Variants in DCC observed in about 807,000 individuals in gnomAD.
DCC encodes DCC netrin 1 receptor.
Under a neutral mutation model 172.5 loss-of-function variants are expected in DCC, and 58 were observed. That is an observed-to-expected ratio of 0.34 (90% confidence interval 0.27 to 0.42). DCC has a LOEUF of 0.42. DCC is among the 10% of genes least tolerant of loss of function. The pLI is 1.00. For synonymous variants in DCC, 709 were observed against 644.5 expected, an observed-to-expected ratio of 1.10 and a Z score of -1.52; for missense variants, 1,740 against 1,791.0, an observed-to-expected ratio of 0.97 and a Z score of 0.51.
At chr18:53,226,946 ATAT>A (rs1439650791) in intron 12 of DCC, among the ~76,000 whole-genome samples, 2 of 53,740 alleles carry the variant, frequency 3.7e-5, no homozygotes, top group East Asian at 2.4e-4. Context: ...ATATATATAT[ATAT>A]TTTTTTTTTT....
intron 1 of DCC, among the ~76,000 whole-genome samples, chr18:52,643,532 T>C (rs1388318581): frequency 6.6e-6 from 1 of 152,200 alleles, no homozygotes; most frequent in Non-Finnish European, 1.5e-5. Context: ...TTTTCTAAAA[T>C]CCTACTCATC....
intron 1 of DCC, among the ~76,000 whole-genome samples, chr18:52,494,502 T>C (rs2030664573): frequency 6.6e-6 from 1 of 152,166 alleles, no homozygotes; most frequent in African/African-American, 2.4e-5. Context: ...ACATCTTTTA[T>C]GTACTTTCCG....
At chr18:52,377,222 T>G in intron 1 of DCC, among the ~76,000 whole-genome samples, 1 of 152,186 alleles carries the variant, frequency 6.6e-6, no homozygotes, top group Non-Finnish European at 1.5e-5. Context: ...CTGTTAAGAT[T>G]ATGATTTTTC....
chr18:53,444,827 C>T (rs891906936), intron 22 of DCC, among the ~76,000 whole-genome samples: 4 of 152,100 alleles, frequency 2.6e-5, no homozygotes, highest in Non-Finnish European at 5.9e-5. Flanking sequence ...CTGCAGTATG[C>T]CTATATTTAT....
intron 1 of DCC, among the ~76,000 whole-genome samples, chr18:52,442,046 A>C (rs1221820830): frequency 2.0e-5 from 3 of 152,154 alleles, no homozygotes; most frequent in Non-Finnish European, 4.4e-5. Flanking sequence ...AATGAGCATT[A>C]TTAGAGCTTG....
intron 7 of DCC, among the ~76,000 whole-genome samples, chr18:53,073,450 T>TG (rs1284789560): frequency 2.0e-5 from 3 of 152,062 alleles, no homozygotes; most frequent in South Asian, 4.1e-4. Context: ...GTATGAAACC[T>TG]GGGGGGCGGA....
chr18:53,504,360 C>T (rs1405673759), intron 27 of DCC, among the ~76,000 whole-genome samples: 1 of 152,112 alleles, frequency 6.6e-6, no homozygotes, highest in Non-Finnish European at 1.5e-5. Flanking sequence ...ACAAGACGGT[C>T]ATTTTAAAGG....
intron 1 of DCC, among the ~76,000 whole-genome samples, chr18:52,414,081 C>CTATT (rs560583109): frequency 6.6e-6 from 1 of 151,962 alleles, no homozygotes; most frequent in East Asian, 1.9e-4. Context: ...GTTGAAATGA[C>CTATT]TATTTATTTA....
intron 1 of DCC, among the ~76,000 whole-genome samples, chr18:52,707,859 G>T (rs2036234439): frequency 6.6e-6 from 1 of 152,284 alleles, no homozygotes; most frequent in Non-Finnish European, 1.5e-5. Flanking sequence ...CCCTGGGATA[G>T]GTGGGTGGAT....
intron 2 of DCC, among the ~76,000 whole-genome samples, chr18:52,835,186 G>T (rs114837844): frequency 1.3e-5 from 2 of 152,180 alleles, no homozygotes; most frequent in African/African-American, 4.8e-5. Context: ...ACAATGCCAC[G>T]TATGGCCATG....
At chr18:53,443,471 A>G (rs765159201) in intron 22 of DCC, among the ~76,000 whole-genome samples, 2 of 152,186 alleles carry the variant, frequency 1.3e-5, no homozygotes, top group Non-Finnish European at 2.9e-5. Flanking sequence ...CACATTGACA[A>G]TGCTCGTAGT....
intron 27 of DCC, among the ~76,000 whole-genome samples, chr18:53,504,845 C>T (rs1028945104): frequency 5.9e-5 from 9 of 152,138 alleles, no homozygotes; most frequent in African/African-American, 2.2e-4. Context: ...GGCCTAAAAA[C>T]GTTAGGTAGC....
In DCC at chr18:52,923,689, T is replaced by C. The variant is rs113366906; in HGVS notation, c.698-18T>C. ...ATGTTTTTCATATATCATATGATACTGTGTTTTCCCCTCATAGATCCAGGA... is the reference window on the plus strand; with the variant it reads ...ATGTTTTTCATATATCATATGATACCGTGTTTTCCCCTCATAGATCCAGGA... On this transcript the variant is annotated intron_variant, in intron 3 of 28. Coordinates refer to ENST00000442544, the MANE Select transcript of DCC (RefSeq NM_005215.4). The C allele has an allele frequency of 6.3e-7, 1 of 1,574,924 alleles. No homozygotes were observed. The highest frequency in any genetic ancestry group is 8.7e-7 in the Non-Finnish European group (1 of 1,144,646).
chr18:52,587,661 C>T (rs2033706442), intron 1 of DCC, among the ~76,000 whole-genome samples: 2 of 152,216 alleles, frequency 1.3e-5, no homozygotes, highest in Admixed American at 6.5e-5. Flanking sequence ...ACCAGGTGCA[C>T]TGCTCAAAGT....
At chr18:53,042,656 A>G (rs1217690924) in intron 5 of DCC, among the ~76,000 whole-genome samples, 1 of 152,046 alleles carries the variant, frequency 6.6e-6, no homozygotes, top group African/African-American at 2.4e-5. Context: ...AAGTATATGA[A>G]CAGACACTTT....
chr18:52,524,209 C>T (rs993712375), intron 1 of DCC, among the ~76,000 whole-genome samples: 1 of 152,104 alleles, frequency 6.6e-6, no homozygotes, highest in Non-Finnish European at 1.5e-5. Context: ...ACAAAAAATT[C>T]CTAAAAAGAA....
intron 10 of DCC, among the ~76,000 whole-genome samples, chr18:53,206,888 A>G (rs1187789130): frequency 6.6e-6 from 1 of 151,856 alleles, no homozygotes; most frequent in East Asian, 1.9e-4. Context: ...AAAATAAGAA[A>G]TATTTTATAT....
chr18:52,458,669 A>G (rs753414924), intron 1 of DCC, among the ~76,000 whole-genome samples: 11 of 152,196 alleles, frequency 7.2e-5, no homozygotes, highest in African/African-American at 1.2e-4. Flanking sequence ...ACGTGCTTCA[A>G]TGAAACAGCT....
In DCC at chr18:53,016,720, G is replaced by A. The variant is rs138598537; in HGVS notation, c.986-46585G>A. On this transcript the variant is annotated intron_variant, in intron 5 of 28. Transcript: ENST00000442544. ...GAAATATGTAAGAGGAAATGCTACA[G>A]AATCAAACATTTTTGCATATGTGTC... Among the ~76,000 whole-genome samples the A allele has an allele frequency of 9.8e-3, 1,484 of 152,176 alleles. 30 individuals are homozygous for A. Among genetic ancestry groups the A allele is most frequent in the African/African-American group, 0.034 (1,430 of 41,542 alleles).
Sources: allele counts gnomAD v4.1 joint callset (sites outside exome capture counted in the v4.1 genomes callset), GRCh38; gene constraint gnomAD v4.1.1; transcripts MANE v1.5; gene names NCBI Gene and HGNC (gene_info 2026-07-23, HGNC 2026-07-21).